The following LSAMP variants were observed in gnomAD, a reference collection of about 807,000 sequenced individuals.
LSAMP encodes the protein limbic system-associated membrane protein.
In LSAMP, 7 loss-of-function variants were observed where a neutral mutation model predicts 38.6. That is an observed-to-expected ratio of 0.18 (90% confidence interval 0.10 to 0.34). LSAMP has a LOEUF of 0.34. LSAMP is among the 10% of genes least tolerant of loss of function. The pLI is 1.00. For missense variants in LSAMP, 313 were observed against 420.0 expected (o/e 0.75, Z 2.23); for synonymous variants, 154 against 166.8 (o/e 0.92, Z 0.59).
intron 1 of LSAMP, among the ~76,000 whole-genome samples, chr3:116,154,346 A>C (rs1392471114): frequency 6.6e-6 from 1 of 152,160 alleles, no homozygotes; most frequent in Non-Finnish European, 1.5e-5. Flanking sequence ...AAAAGTTGGA[A>C]CACAAATAAT....
intron 1 of LSAMP, among the ~76,000 whole-genome samples, chr3:116,263,692 T>TAAGTA (rs1330440626): frequency 6.6e-6 from 1 of 152,210 alleles, no homozygotes; most frequent in Non-Finnish European, 1.5e-5. Flanking sequence ...TTTATGTTTT[T>TAAGTA]AAGTACTGAT....
At chr3:116,344,805 A>G (rs2048041908) in intron 1 of LSAMP, among the ~76,000 whole-genome samples, 1 of 152,172 alleles carries the variant, frequency 6.6e-6, no homozygotes, top group Admixed American at 6.6e-5. Flanking sequence ...TCAGTCTAGC[A>G]CTGAGGTTCA....
At chr3:116,124,209 G>A (rs1442408367) in intron 1 of LSAMP, among the ~76,000 whole-genome samples, 1 of 152,134 alleles carries the variant, frequency 6.6e-6, no homozygotes, top group African/African-American at 2.4e-5. Flanking sequence ...TTTTTGAGTT[G>A]TGGATGGCCC....
chr3:115,898,811 TGGTGACC>T (rs1310071021), intron 3 of LSAMP, among the ~76,000 whole-genome samples: 3 of 152,018 alleles, frequency 2.0e-5, no homozygotes, highest in African/African-American at 7.2e-5. Context: ...GCATCTCCAG[TGGTGACC>T]ACCCACTACA....
intron 3 of LSAMP, among the ~76,000 whole-genome samples, chr3:115,987,760 C>A (rs902885800): frequency 3.9e-5 from 6 of 152,066 alleles, no homozygotes; most frequent in Non-Finnish European, 8.8e-5. Context: ...ACCACACATC[C>A]AAATTATACC....
At chr3:115,836,750 A>G (rs1476628524) in intron 6 of LSAMP, among the ~76,000 whole-genome samples, 1 of 152,222 alleles carries the variant, frequency 6.6e-6, no homozygotes, top group Non-Finnish European at 1.5e-5. Flanking sequence ...GGTAGATAGC[A>G]GCTTAAGCTG....
At chr3:116,171,987 T>C (rs1480964810) in intron 1 of LSAMP, among the ~76,000 whole-genome samples, 1 of 152,052 alleles carries the variant, frequency 6.6e-6, no homozygotes, top group Admixed American at 6.6e-5. Flanking sequence ...TTACATACAA[T>C]AAAATTACTT....
chr3:116,025,402 T>G (rs919137963), intron 2 of LSAMP, among the ~76,000 whole-genome samples: 1 of 152,164 alleles, frequency 6.6e-6, no homozygotes, highest in African/African-American at 2.4e-5. Flanking sequence ...TGGCTCTTAC[T>G]TTTTTGTTTA....
rs2049199591 is a variant in LSAMP at position 116,426,572 on chromosome 3, G to A, written c.155+18305C>T. On this transcript the variant is annotated intron_variant, in intron 1 of 6. Coordinates refer to ENST00000490035, the MANE Select transcript of LSAMP (RefSeq NM_002338.5). ...GAATGATAGCAGTGGGAATAAAAAA[G>A]CACCATTACTTAGAAACAGCTCATT... 2.0e-5 allele frequency among the ~76,000 whole-genome samples: 3 copies of A among 151,136 alleles called. No homozygotes were observed. The South Asian group carries it at 6.2e-4, about 31-fold the overall frequency.
chr3:116,342,603 A>G (rs1469850137), intron 1 of LSAMP, among the ~76,000 whole-genome samples: 2 of 152,072 alleles, frequency 1.3e-5, no homozygotes, highest in African/African-American at 4.8e-5. Flanking sequence ...TTCAGTTGGA[A>G]AAAGCTTATA....
intron 4 of LSAMP, 138 bp downstream of exon 4, chr3:115,852,345 A>G (rs1293220123): frequency 1.1e-5 from 11 of 964,172 alleles, no homozygotes; most frequent in South Asian, 2.2e-5. Flanking sequence ...GATGTGTTCA[A>G]TGTATAAATG....
chr3:116,168,956 C>G (rs184340821), intron 1 of LSAMP, among the ~76,000 whole-genome samples: 14 of 152,140 alleles, frequency 9.2e-5, no homozygotes, highest in East Asian at 7.7e-4. Context: ...ATACCAGTAC[C>G]CTGGGAGGCT....
At chr3:116,435,972 C>G (rs991363152) in intron 1 of LSAMP, among the ~76,000 whole-genome samples, 1 of 151,862 alleles carries the variant, frequency 6.6e-6, no homozygotes, top group Non-Finnish European at 1.5e-5. Context: ...GCAGAGGTAC[C>G]AGAAAAAAAG....
chr3:116,104,972 T>A (rs921509061), intron 1 of LSAMP, among the ~76,000 whole-genome samples: 2 of 152,206 alleles, frequency 1.3e-5, no homozygotes, highest in African/African-American at 4.8e-5. Context: ...GGAAGAGAAC[T>A]ATTGCTTTGG....
chr3:116,419,325 C>CT (rs1553733861), intron 1 of LSAMP, among the ~76,000 whole-genome samples: 1 of 152,146 alleles, frequency 6.6e-6, no homozygotes, highest in Non-Finnish European at 1.5e-5. Context: ...AAAGTGACAT[C>CT]TTTTTTTAAT....
At chr3:116,138,616 G>A (rs1231116342) in intron 1 of LSAMP, among the ~76,000 whole-genome samples, 1 of 152,088 alleles carries the variant, frequency 6.6e-6, no homozygotes, top group African/African-American at 2.4e-5. Flanking sequence ...TGGCGCTGTG[G>A]GTTCCAGTCT....
chr3:116,023,604 CAAAAAA>C (rs71141849), intron 2 of LSAMP, among the ~76,000 whole-genome samples: 2 of 78,058 alleles, frequency 2.6e-5, no homozygotes, highest in African/African-American at 4.9e-5. Flanking sequence ...GACTCCGTCT[CAAAAAA>C]AAAAAAAAAA....
intron 2 of LSAMP, among the ~76,000 whole-genome samples, chr3:116,027,831 C>T (rs1291344976): frequency 1.3e-5 from 2 of 152,182 alleles, no homozygotes; most frequent in Non-Finnish European, 2.9e-5. Flanking sequence ...TCAGTTGGCT[C>T]ATTTCCCTAA....
intron 1 of LSAMP, among the ~76,000 whole-genome samples, chr3:116,269,760 G>A (rs532235340): frequency 1.3e-5 from 2 of 152,196 alleles, no homozygotes; most frequent in Admixed American, 1.3e-4. Context: ...CTTACTGAAA[G>A]GCACATGGTT....
Sources: gnomAD v4.1 joint callset for allele counts (sites outside exome capture counted in the v4.1 genomes callset) on GRCh38, gnomAD v4.1.1 for gene constraint, MANE v1.5 for transcripts, NCBI Gene and HGNC (gene_info 2026-07-23, HGNC 2026-07-21) for gene names.